The following ZBTB20 variants were observed in gnomAD, a reference collection of about 807,000 sequenced individuals.
The protein encoded by ZBTB20 is zinc finger and BTB domain containing 20.
ZBTB20 carries 9 observed loss-of-function variants against 56.9 expected under a neutral mutation model. The observed-to-expected ratio is 0.16, with a 90% CI of 0.10 to 0.28. The LOEUF is 0.28. Ranked by LOEUF, ZBTB20 falls within the 10% of genes least tolerant of loss-of-function variation. ZBTB20 has a pLI of 1.00. For synonymous variants in ZBTB20, 417 were observed against 420.7 expected, an observed-to-expected ratio of 0.99 and a Z score of 0.11; for missense variants, 655 against 1,003.0, an observed-to-expected ratio of 0.65 and a Z score of 4.69.
intron 4 of ZBTB20, among the ~76,000 whole-genome samples, chr3:114,854,359 T>C (rs1196472190): frequency 6.6e-6 from 1 of 152,222 alleles, no homozygotes; most frequent in Non-Finnish European, 1.5e-5. Context: ...ACTTTCATGA[T>C]TCTTTTGTGT....
intron 6 of ZBTB20, among the ~76,000 whole-genome samples, chr3:114,648,739 C>G (rs1304804269): frequency 6.6e-6 from 1 of 151,856 alleles, no homozygotes; most frequent in African/African-American, 2.4e-5. Flanking sequence ...CAATGTATTT[C>G]AAGGTTCAAA....
intron 5 of ZBTB20, among the ~76,000 whole-genome samples, chr3:114,773,141 T>C (rs1486970565): frequency 1.3e-5 from 2 of 152,118 alleles, no homozygotes; most frequent in Non-Finnish European, 2.9e-5. Flanking sequence ...TGAATAAGCA[T>C]GAAAGTGGAT....
chr3:114,419,765 A>G (rs1475292855), intron 7 of ZBTB20, among the ~76,000 whole-genome samples: 2 of 152,180 alleles, frequency 1.3e-5, no homozygotes, highest in African/African-American at 2.4e-5. Context: ...ACCAAAGAGA[A>G]TAAATGAAAT....
intron 1 of ZBTB20, chr3:115,145,039 A>G (rs150052587): frequency 6.6e-6 from 1 of 152,322 alleles, no homozygotes; most frequent in African/African-American, 2.4e-5. Flanking sequence ...AGGCCCTCCA[A>G]AATTGAGCTC....
intron 4 of ZBTB20, among the ~76,000 whole-genome samples, chr3:114,855,518 T>C (rs1318520096): frequency 6.6e-6 from 1 of 152,068 alleles, no homozygotes; most frequent in African/African-American, 2.4e-5. Context: ...ATGTTCAAAA[T>C]AAATAAAATG....
intron 7 of ZBTB20, among the ~76,000 whole-genome samples, chr3:114,405,379 G>C (rs915326380): frequency 1.3e-5 from 2 of 152,086 alleles, no homozygotes; most frequent in African/African-American, 4.8e-5. Context: ...TATACAATTT[G>C]AGTTTCACTT....
intron 7 of ZBTB20, among the ~76,000 whole-genome samples, chr3:114,491,042 G>A (rs2042697702): frequency 6.6e-6 from 1 of 152,158 alleles, no homozygotes; most frequent in Non-Finnish European, 1.5e-5. Context: ...CATAGATGGT[G>A]TCTTACTCAC....
rs1285299578 is a variant in ZBTB20 at position 114,380,216 on chromosome 3, C to G, written c.199+1G>C. The G allele has an allele frequency of 6.5e-7, 1 of 1,534,992 alleles. No homozygotes were observed. Among genetic ancestry groups the G allele is most frequent in the Non-Finnish European group, 8.7e-7 (1 of 1,145,820 alleles). On this transcript the variant is annotated splice_donor_variant, in intron 10 of 11. Coordinates refer to ENST00000675478, the MANE Select transcript of ZBTB20 (RefSeq NM_001348800.3). LOFTEE classifies it high-confidence loss of function. ...CACCATCACCTTAGTGGTGTACTCACAATCAGATGACCCGGTGTGAGCGTG... is the reference window on the plus strand; with the variant it reads ...CACCATCACCTTAGTGGTGTACTCAGAATCAGATGACCCGGTGTGAGCGTG...
At chr3:114,406,528 A>G (rs1284748897) in intron 7 of ZBTB20, among the ~76,000 whole-genome samples, 1 of 152,166 alleles carries the variant, frequency 6.6e-6, no homozygotes, top group Non-Finnish European at 1.5e-5. Context: ...ATGACGCATT[A>G]CAAAGTAAAC....
intron 1 of ZBTB20, among the ~76,000 whole-genome samples, chr3:115,112,294 T>C (rs1259928724): frequency 6.6e-6 from 1 of 152,160 alleles, no homozygotes; most frequent in Non-Finnish European, 1.5e-5. Context: ...CCTGAGTATT[T>C]ATAATTTCTA....
intron 3 of ZBTB20, among the ~76,000 whole-genome samples, chr3:114,951,402 G>T (rs1316970176): frequency 6.6e-6 from 1 of 151,984 alleles, no homozygotes; most frequent in Non-Finnish European, 1.5e-5. Context: ...GAGAAAAAGG[G>T]GCTGCAGAAA....
At chr3:114,637,482 C>T (rs1439591347) in intron 6 of ZBTB20, among the ~76,000 whole-genome samples, 1 of 152,128 alleles carries the variant, frequency 6.6e-6, no homozygotes, top group Non-Finnish European at 1.5e-5. Flanking sequence ...CTTGCTTAGG[C>T]ATCCTAGGTT....
intron 4 of ZBTB20, among the ~76,000 whole-genome samples, chr3:114,807,823 C>A (rs1194529867): frequency 6.6e-6 from 1 of 152,026 alleles, no homozygotes; most frequent in Non-Finnish European, 1.5e-5. Context: ...AAGTGAAACT[C>A]ACATTCCTGG....
Position 114,866,851 on chromosome 3 carries a change from G to A in ZBTB20, c.-417+33453C>T, listed in dbSNP as rs143410310. On this transcript the variant is annotated intron_variant, in intron 4 of 11. Transcript: ENST00000675478. ...CTTTGGACTAATACGTTGGACTAACGCAATTGGCTCTCTGGGGTCTCTAGC... is the reference window on the plus strand; with the variant it reads ...CTTTGGACTAATACGTTGGACTAACACAATTGGCTCTCTGGGGTCTCTAGC... 1.1e-3 allele frequency among the ~76,000 whole-genome samples: 171 copies of A among 152,212 alleles called. 2 individuals are homozygous for A. The highest frequency in any genetic ancestry group is 0.01 in the East Asian group (52 of 5,170).
intron 7 of ZBTB20, among the ~76,000 whole-genome samples, chr3:114,487,080 A>C (rs1466670720): frequency 6.6e-6 from 1 of 152,222 alleles, no homozygotes; most frequent in Non-Finnish European, 1.5e-5. Context: ...GGATGCGTGT[A>C]TGTGGAAGAT....
At chr3:114,839,311 G>A (rs1279398267) in intron 4 of ZBTB20, among the ~76,000 whole-genome samples, 1 of 151,852 alleles carries the variant, frequency 6.6e-6, no homozygotes, top group African/African-American at 2.4e-5. Flanking sequence ...TGAAGTGGGA[G>A]GATCACTTGC....
intron 1 of ZBTB20, among the ~76,000 whole-genome samples, chr3:115,118,534 G>A (rs1406654113): frequency 6.6e-6 from 1 of 151,736 alleles, no homozygotes; most frequent in Non-Finnish European, 1.5e-5. Flanking sequence ...CATCAAGCCT[G>A]CTCCCCTATT....
intron 5 of ZBTB20, among the ~76,000 whole-genome samples, chr3:114,797,461 A>G (rs1366083425): frequency 6.6e-6 from 1 of 151,902 alleles, no homozygotes; most frequent in South Asian, 2.1e-4. Context: ...CTAGTATCAC[A>G]TTATTCCTTC....
rs561595812 is a variant in ZBTB20, at chr3:114,992,671, T to C, written c.-506-18255A>G. On this transcript the variant is annotated intron_variant, in intron 2 of 11. Coordinates refer to ENST00000675478, the MANE Select transcript of ZBTB20 (RefSeq NM_001348800.3). ...AGAGGAGTGGAACAGAAGCTGAGAC[T>C]CCCACTTATTAATGGATGTCCCCTC... Among the ~76,000 whole-genome samples the C allele has an allele frequency of 1.2e-4, 18 of 151,872 alleles. No homozygotes were observed. The South Asian group carries it at 2.7e-3, about 23-fold the overall frequency.
Sources: allele counts gnomAD v4.1 joint callset (sites outside exome capture counted in the v4.1 genomes callset), GRCh38; gene constraint gnomAD v4.1.1; transcripts MANE v1.5; gene names NCBI Gene and HGNC (gene_info 2026-07-23, HGNC 2026-07-21).